The following KCNN2 variants were observed in gnomAD, a reference collection of about 807,000 sequenced individuals.
The protein encoded by KCNN2 is small conductance calcium-activated potassium channel protein 2.
KCNN2 carries 24 observed loss-of-function variants against 55.5 expected under a neutral mutation model. The observed-to-expected ratio is 0.43, with a 90% CI of 0.31 to 0.61. KCNN2 has a LOEUF of 0.61. Ranked by LOEUF, KCNN2 falls within the 20% of genes least tolerant of loss-of-function variation. KCNN2 has a pLI of 0.08. For synonymous variants in KCNN2, 431 were observed against 336.1 expected (o/e 1.28, Z -3.09); for missense variants, 754 against 853.6 (o/e 0.88, Z 1.45).
chr5:114,064,597 G>A (rs1385473291), intron 1 of KCNN2, among the ~76,000 whole-genome samples: 1 of 152,164 alleles, frequency 6.6e-6, no homozygotes, highest in East Asian at 1.9e-4. Flanking sequence ...GCTACCAAGA[G>A]CAGAACTATG....
chr5:114,108,102 C>A (rs1325274981), intron 1 of KCNN2, among the ~76,000 whole-genome samples: 1 of 150,950 alleles, frequency 6.6e-6, no homozygotes, highest in Non-Finnish European at 1.5e-5. Context: ...TCTTTATTTT[C>A]TTTTTTTGAA....
chr5:114,266,274 C>T (rs2150006203), intron 2 of KCNN2, among the ~76,000 whole-genome samples: 1 of 152,208 alleles, frequency 6.6e-6, no homozygotes, highest in Non-Finnish European at 1.5e-5. Flanking sequence ...CTGACTAATG[C>T]CTGCTGTAGT....
chr5:114,335,236 T>G (rs1179911491), intron 2 of KCNN2, among the ~76,000 whole-genome samples: 2 of 152,156 alleles, frequency 1.3e-5, no homozygotes, highest in African/African-American at 4.8e-5. Context: ...ATATGACCAC[T>G]GGGGACTCAG....
At chr5:114,264,324 T>C (rs1755167220) in intron 2 of KCNN2, among the ~76,000 whole-genome samples, 2 of 152,190 alleles carry the variant, frequency 1.3e-5, no homozygotes, top group Non-Finnish European at 2.9e-5. Flanking sequence ...GTTCCATAAT[T>C]CCAGTATTTC....
chr5:114,368,573 C>T (rs751545955), intron 2 of KCNN2, among the ~76,000 whole-genome samples: 4 of 152,150 alleles, frequency 2.6e-5, no homozygotes, highest in Non-Finnish European at 4.4e-5. Context: ...GTTCCCTTTG[C>T]TACTTCTACA....
chr5:114,296,622 G>A (rs1756017369), intron 2 of KCNN2, among the ~76,000 whole-genome samples: 1 of 152,156 alleles, frequency 6.6e-6, no homozygotes, highest in African/African-American at 2.4e-5. Flanking sequence ...ACGTTCCTAA[G>A]GGAGGCCATA....
intron 2 of KCNN2, among the ~76,000 whole-genome samples, chr5:114,256,227 A>G (rs559943214): frequency 1.3e-5 from 2 of 151,760 alleles, no homozygotes; most frequent in South Asian, 2.1e-4. Flanking sequence ...GTGTGTGTGT[A>G]TATATATATA....
intron 2 of KCNN2, among the ~76,000 whole-genome samples, chr5:114,284,564 C>T (rs1351436787): frequency 6.6e-6 from 1 of 152,122 alleles, no homozygotes; most frequent in South Asian, 2.1e-4. Flanking sequence ...TGTTGCCAGG[C>T]TGGAGTGCAG....
chr5:114,315,911 T>C (rs1393818587), intron 2 of KCNN2, among the ~76,000 whole-genome samples: 2 of 152,062 alleles, frequency 1.3e-5, no homozygotes, highest in South Asian at 2.1e-4. Context: ...TGCTGAGATA[T>C]AGAGTAGGGA....
At chr5:114,298,640 G>T (rs571356733) in intron 2 of KCNN2, among the ~76,000 whole-genome samples, 1 of 152,220 alleles carries the variant, frequency 6.6e-6, no homozygotes, top group South Asian at 2.1e-4. Flanking sequence ...TAGAAACCAA[G>T]AATCAAATTA....
At chr5:114,383,464 C>CTTTTTTTTTTTTTTTTTTTTTTTTTT (rs66787954) in intron 2 of KCNN2, among the ~76,000 whole-genome samples, 1 of 102,696 alleles carries the variant, frequency 9.7e-6, no homozygotes, top group Non-Finnish European at 1.8e-5. Context: ...CCACTAAATG[C>CTTTTTTTTTTTTTTTTTTTTTTTTTT]TTTTTTTTTT....
chr5:114,374,037 C>T (rs1430103415), intron 2 of KCNN2, among the ~76,000 whole-genome samples: 2 of 151,944 alleles, frequency 1.3e-5, no homozygotes, highest in Admixed American at 1.3e-4. Context: ...ATAATTTTGT[C>T]TGTTAGGTTT....
intron 1 of KCNN2, among the ~76,000 whole-genome samples, chr5:114,138,492 A>G (rs558902531): frequency 2.0e-5 from 3 of 152,274 alleles, no homozygotes; most frequent in Non-Finnish European, 4.4e-5. Context: ...AAGGTCGTAT[A>G]TATTTCTCTA....
intron 2 of KCNN2, among the ~76,000 whole-genome samples, chr5:114,285,376 G>A (rs1486652960): frequency 6.6e-6 from 1 of 151,616 alleles, no homozygotes; most frequent in African/African-American, 2.4e-5. Context: ...ACACATGGAG[G>A]AAAGAATGAG....
intron 1 of KCNN2, among the ~76,000 whole-genome samples, chr5:114,134,154 A>G (rs1033392215): frequency 1.3e-5 from 2 of 151,746 alleles, no homozygotes; most frequent in African/African-American, 4.8e-5. Flanking sequence ...GCTCAGGGCT[A>G]AGGCCGGCTT....
chr5:114,307,568 G>C (rs1756310417), intron 2 of KCNN2, among the ~76,000 whole-genome samples: 1 of 152,032 alleles, frequency 6.6e-6, no homozygotes, highest in South Asian at 2.1e-4. Flanking sequence ...ATAGTAAACT[G>C]TGTCCTATAG....
chr5:114,075,534 G>C (rs1390070026), intron 1 of KCNN2, among the ~76,000 whole-genome samples: 1 of 152,090 alleles, frequency 6.6e-6, no homozygotes, highest in Admixed American at 6.5e-5. Flanking sequence ...ATTGAACCTG[G>C]AAATAAAAAT....
intron 1 of KCNN2, among the ~76,000 whole-genome samples, chr5:114,202,984 T>C (rs1753705577): frequency 6.6e-6 from 1 of 152,168 alleles, no homozygotes; most frequent in Admixed American, 6.5e-5. Context: ...AGAGCTCTAA[T>C]AGGGTCCAAA....
intron 1 of KCNN2, among the ~76,000 whole-genome samples, chr5:114,184,781 G>A (rs981710490): frequency 2.0e-5 from 3 of 151,960 alleles, no homozygotes; most frequent in Non-Finnish European, 4.4e-5. Context: ...GCCCCCTTTC[G>A]CTTACCATGT....
Sources: allele counts gnomAD v4.1 joint callset (sites outside exome capture counted in the v4.1 genomes callset), GRCh38; gene constraint gnomAD v4.1.1; transcripts MANE v1.5; gene names NCBI Gene and HGNC (gene_info 2026-07-23, HGNC 2026-07-21).